Variants in GRM5 observed in about 807,000 individuals in gnomAD.
The protein encoded by GRM5 is glutamate metabotropic receptor 5, also known as metabotropic glutamate receptor 5.
A neutral mutation model predicts 83.1 loss-of-function variants in GRM5; 19 were observed. That is an observed-to-expected ratio of 0.23 (90% CI 0.16 to 0.34). GRM5 has a LOEUF of 0.34. Ranked by LOEUF, GRM5 falls within the 10% of genes least tolerant of loss-of-function variation. The pLI is 1.00. For synonymous variants in GRM5, 675 were observed against 633.6 expected (o/e 1.07, Z -0.98); for missense variants, 1,160 against 1,588.3 (o/e 0.73, Z 4.58).
intron 3 of GRM5, among the ~76,000 whole-genome samples, chr11:88,735,376 T>C (rs1302078384): frequency 1.3e-5 from 2 of 152,116 alleles, no homozygotes; most frequent in Admixed American, 6.6e-5. Context: ...AAACGTTTTC[T>C]GTGCCCATTA....
At chr11:88,923,034 T>C (rs1294151710) in intron 2 of GRM5, among the ~76,000 whole-genome samples, 1 of 130,048 alleles carries the variant, frequency 7.7e-6, no homozygotes, top group African/African-American at 2.9e-5. Context: ...TGATTTCATC[T>C]CACCCATTTA....
At chr11:88,924,266 A>G (rs1945747468) in intron 2 of GRM5, among the ~76,000 whole-genome samples, 1 of 152,036 alleles carries the variant, frequency 6.6e-6, no homozygotes, top group Non-Finnish European at 1.5e-5. Flanking sequence ...TAAAATTTTA[A>G]AATATAACTA....
rs1368218222 is a variant in GRM5, at chr11:88,978,990, T to C, written c.661+68222A>G. Among the ~76,000 whole-genome samples, 3 of 152,192 alleles carry C rather than the reference T, an allele frequency of 2.0e-5. No homozygotes were observed. In the South Asian group the frequency reaches 6.2e-4, roughly 31 times the overall value. ...CTATAGAGTGTATCAAAATCCTTCA[T>C]ACACCTCCTACCGTCTTTAAAACAG... On this transcript the variant is annotated intron_variant, in intron 2 of 9. Transcript: ENST00000305447.
At chr11:88,882,248 G>GTAAGTAAATAAATAAA (rs1555033917) in intron 2 of GRM5, among the ~76,000 whole-genome samples, 40 of 143,988 alleles carry the variant, frequency 2.8e-4, no homozygotes, top group South Asian at 9.0e-4. Flanking sequence ...AAATAAGTAA[G>GTAAGTAAATAAATAAA]TAAATAAATA....
intron 2 of GRM5, among the ~76,000 whole-genome samples, chr11:88,902,262 A>C (rs1399527518): frequency 1.3e-5 from 2 of 151,924 alleles, no homozygotes; most frequent in Non-Finnish European, 2.9e-5. Context: ...TAGGATGTCT[A>C]GGTTTAAATC....
At chr11:88,816,551 A>G (rs1462657193) in intron 3 of GRM5, among the ~76,000 whole-genome samples, 1 of 142,448 alleles carries the variant, frequency 7.0e-6, no homozygotes, top group African/African-American at 2.9e-5. Flanking sequence ...AAAAAAAAAA[A>G]AAAGAAAAGA....
chr11:88,980,290 T>G (rs984432194), intron 2 of GRM5, among the ~76,000 whole-genome samples: 1 of 152,170 alleles, frequency 6.6e-6, no homozygotes, highest in Non-Finnish European at 1.5e-5. Context: ...TCTGAGTAGT[T>G]AACAAAAAAT....
intron 3 of GRM5, among the ~76,000 whole-genome samples, chr11:88,752,941 T>C (rs1392932987): frequency 1.3e-5 from 2 of 152,130 alleles, no homozygotes; most frequent in African/African-American, 2.4e-5. Flanking sequence ...CCTTACACCA[T>C]ATGCAAAAAT....
intron 3 of GRM5, among the ~76,000 whole-genome samples, chr11:88,748,896 CA>C (rs1397818966): frequency 2.0e-5 from 3 of 152,098 alleles, no homozygotes; most frequent in African/African-American, 4.8e-5. Context: ...CCGAAAACAA[CA>C]ACAATAACAT....
chr11:88,818,349 T>G (rs1057404393), intron 3 of GRM5, among the ~76,000 whole-genome samples: 3 of 152,110 alleles, frequency 2.0e-5, no homozygotes, highest in Admixed American at 2.0e-4. Flanking sequence ...GCCTCCATTC[T>G]GTACAAAAGT....
chr11:89,030,983 T>C (rs1941249164), intron 2 of GRM5, among the ~76,000 whole-genome samples: 2 of 151,988 alleles, frequency 1.3e-5, no homozygotes, highest in Non-Finnish European at 2.9e-5. Flanking sequence ...AAATTACTTG[T>C]AGAGTTAAGA....
At position 88,508,928 on chromosome 11, in the gene GRM5, T is replaced by C. The variant is rs759075545; in HGVS notation, c.3303A>G (p.Lys1101=). The C allele has an allele frequency of 4.4e-6, 7 of 1,600,896 alleles. No individual in the cohort carries two copies. The highest frequency in any genetic ancestry group is 5.1e-6 in the Non-Finnish European group (6 of 1,174,198). ...APLCSSYLIP[K]EIQLPTTMTT... ...TCATGGTCGTGGGCAACTGGATCTC[T>C]TTGGGGATCAGGTAGGACGAGCAGA... The change falls in exon 10 of 10, where the codon AAA becomes AAG. Residue 1101 remains lysine, a synonymous_variant. Coordinates refer to ENST00000305447, the MANE Select transcript of GRM5 (RefSeq NM_001143831.3). This position sits in a 1 kb window ranked among gnomAD's most constrained non-coding sequence, Gnocchi z 4.2.
chr11:88,531,815 A>G (rs1318617018), intron 8 of GRM5, among the ~76,000 whole-genome samples: 1 of 150,030 alleles, frequency 6.7e-6, no homozygotes, highest in Admixed American at 6.6e-5. Flanking sequence ...AAATTGTCTT[A>G]AAAAATAATT....
intron 2 of GRM5, among the ~76,000 whole-genome samples, chr11:88,945,370 T>C (rs1938245807): frequency 6.6e-6 from 1 of 152,146 alleles, no homozygotes; most frequent in South Asian, 2.1e-4. Flanking sequence ...CAATGTCATT[T>C]TTCACAGAAC....
At chr11:88,674,831 T>C (rs1408204977) in intron 3 of GRM5, among the ~76,000 whole-genome samples, 4 of 151,942 alleles carry the variant, frequency 2.6e-5, no homozygotes, top group African/African-American at 9.7e-5. Context: ...AAAACACAAA[T>C]GTAATAATAT....
At chr11:88,528,257 T>C (rs1407975627) in intron 8 of GRM5, among the ~76,000 whole-genome samples, 1 of 152,110 alleles carries the variant, frequency 6.6e-6, no homozygotes, top group African/African-American at 2.4e-5. Context: ...TTTCAAGCAG[T>C]TTTTGTATTC....
At chr11:88,723,361 G>A (rs1200525342) in intron 3 of GRM5, among the ~76,000 whole-genome samples, 1 of 152,028 alleles carries the variant, frequency 6.6e-6, no homozygotes, top group African/African-American at 2.4e-5. Context: ...GTTTTTGTGT[G>A]GGCATAAGTT....
At chr11:88,561,603 G>C (rs1942756715) in intron 8 of GRM5, among the ~76,000 whole-genome samples, 1 of 152,140 alleles carries the variant, frequency 6.6e-6, no homozygotes, top group Admixed American at 6.6e-5. Context: ...ATTTGCAGCT[G>C]AAGTGAATGC....
intron 2 of GRM5, among the ~76,000 whole-genome samples, chr11:88,983,270 T>C (rs1939586404): frequency 6.6e-6 from 1 of 152,216 alleles, no homozygotes; most frequent in African/African-American, 2.4e-5. Flanking sequence ...CTACTTTACA[T>C]TCACACACAA....
Sources: gnomAD v4.1 joint callset for allele counts (sites outside exome capture counted in the v4.1 genomes callset) on GRCh38, gnomAD v4.1.1 for gene constraint, Gnocchi (gnomAD v3.1) non-coding constraint, MANE v1.5 for transcripts, NCBI Gene and HGNC (gene_info 2026-07-23, HGNC 2026-07-21) for gene names.